Variants in TFEC observed in about 807,000 individuals in gnomAD.
TFEC encodes transcription factor EC, also known as class E basic helix-loop-helix protein 34.
Under a neutral mutation model 41.6 loss-of-function variants are expected in TFEC, and 31 were observed. That is an observed-to-expected ratio of 0.74 (90% confidence interval 0.56 to 1.01). TFEC has a LOEUF of 1.01. Ranked by LOEUF, TFEC falls within the 50% of genes least tolerant of loss-of-function variation. TFEC has a pLI of 0.00. For synonymous variants in TFEC, 143 were observed against 140.6 expected (o/e 1.02, Z -0.12); for missense variants, 402 against 404.1 (o/e 0.99, Z 0.04).
At chr7:116,080,832 T>C (rs901668158) in intron 3 of TFEC, among the ~76,000 whole-genome samples, 1 of 152,096 alleles carries the variant, frequency 6.6e-6, no homozygotes, top group African/African-American at 2.4e-5. Context: ...GCAATCCTAC[T>C]GCTAGGTATC....
chr7:116,047,458 T>C (rs1485799481), intron 3 of TFEC, among the ~76,000 whole-genome samples: 2 of 151,432 alleles, frequency 1.3e-5, no homozygotes, highest in Admixed American at 1.3e-4. Flanking sequence ...GGGGGAGGGG[T>C]GTCCACCATT....
At chr7:115,950,476 A>C (rs1791876746) in intron 6 of TFEC, among the ~76,000 whole-genome samples, 1 of 152,120 alleles carries the variant, frequency 6.6e-6, no homozygotes. Context: ...GGGACCTTGG[A>C]AAATCTAACA....
At chr7:116,058,580 A>G (rs1796481813) in intron 3 of TFEC, among the ~76,000 whole-genome samples, 1 of 151,758 alleles carries the variant, frequency 6.6e-6, no homozygotes, top group Non-Finnish European at 1.5e-5. Flanking sequence ...CCCAACAACA[A>G]CAAATATACA....
At chr7:116,042,150 A>C (rs1796052357) in intron 3 of TFEC, among the ~76,000 whole-genome samples, 1 of 152,194 alleles carries the variant, frequency 6.6e-6, no homozygotes, top group South Asian at 2.1e-4. Flanking sequence ...GGAAAAGTGA[A>C]AATGACATTT....
At chr7:116,004,317 C>T (rs1235828708) in intron 1 of TFEC, among the ~76,000 whole-genome samples, 2 of 152,096 alleles carry the variant, frequency 1.3e-5, no homozygotes, top group Admixed American at 6.6e-5. Flanking sequence ...ATCCTATGAA[C>T]ATGAAAGGGG....
chr7:115,979,839 T>G (rs942218611), intron 2 of TFEC, among the ~76,000 whole-genome samples: 3 of 152,156 alleles, frequency 2.0e-5, no homozygotes, highest in Non-Finnish European at 4.4e-5. Context: ...ACATTACCCC[T>G]GAGTTCATTT....
chr7:115,989,232 T>C (rs1349864176), intron 1 of TFEC, among the ~76,000 whole-genome samples: 2 of 152,188 alleles, frequency 1.3e-5, no homozygotes, highest in Admixed American at 6.5e-5. Context: ...TTATTCTTCA[T>C]TGATCTACAT....
At chr7:116,006,345 G>T (rs533078304) in intron 1 of TFEC, among the ~76,000 whole-genome samples, 1 of 152,218 alleles carries the variant, frequency 6.6e-6, no homozygotes, top group African/African-American at 2.4e-5. Flanking sequence ...AGCAACAGGG[G>T]TGGAGCTGCC....
chr7:116,025,072 CA>C (rs1259779304), intron 1 of TFEC, among the ~76,000 whole-genome samples: 7 of 152,188 alleles, frequency 4.6e-5, no homozygotes, highest in Middle Eastern at 3.4e-3. Context: ...CATATAAAAA[CA>C]AATGGAGATG....
At chr7:115,946,858 A>G (rs1198729281) in intron 6 of TFEC, among the ~76,000 whole-genome samples, 1 of 151,184 alleles carries the variant, frequency 6.6e-6, no homozygotes, top group Admixed American at 6.6e-5. Flanking sequence ...TTTATCAAAC[A>G]TGATCATTTC....
intron 3 of TFEC, among the ~76,000 whole-genome samples, chr7:116,057,121 G>C (rs762152907): frequency 3.3e-5 from 5 of 151,916 alleles, no homozygotes; most frequent in African/African-American, 4.8e-5. Flanking sequence ...GAAATGCAGA[G>C]TAAAACAGTA....
intron 1 of TFEC, among the ~76,000 whole-genome samples, chr7:116,013,642 T>C (rs1376673679): frequency 6.6e-6 from 1 of 152,170 alleles, no homozygotes; most frequent in Admixed American, 6.5e-5. Flanking sequence ...ATTGCATGTA[T>C]TTTGATTGTA....
chr7:116,137,814 G>C (rs1798462505), intron 1 of TFEC, among the ~76,000 whole-genome samples: 1 of 151,774 alleles, frequency 6.6e-6, no homozygotes, highest in Admixed American at 6.6e-5. Flanking sequence ...CATTTTTATT[G>C]ATAATCAACT....
At chr7:116,155,393 A>G (rs1798849020) in intron 1 of TFEC, among the ~76,000 whole-genome samples, 1 of 152,220 alleles carries the variant, frequency 6.6e-6, no homozygotes, top group Admixed American at 6.5e-5. Flanking sequence ...TCGCTATGCT[A>G]CAGTTGACAT....
At chr7:115,985,409 A>G (rs1373723803) in intron 1 of TFEC, among the ~76,000 whole-genome samples, 1 of 152,128 alleles carries the variant, frequency 6.6e-6, no homozygotes, top group African/African-American at 2.4e-5. Context: ...TTACTGTGCT[A>G]TTCTGTGGCT....
At chr7:116,071,362 C>T (rs536108457) in intron 3 of TFEC, among the ~76,000 whole-genome samples, 1 of 148,294 alleles carries the variant, frequency 6.7e-6, no homozygotes, top group African/African-American at 2.5e-5. Context: ...AAAAAAAAAA[C>T]CTGAATATGG....
intron 3 of TFEC, among the ~76,000 whole-genome samples, chr7:116,071,213 C>G (rs1488423763): frequency 2.0e-5 from 3 of 150,894 alleles, no homozygotes; most frequent in East Asian, 3.9e-4. Flanking sequence ...ATTCTTGACA[C>G]AAAAATAATA....
At position 116,064,291 on chromosome 7, in the gene TFEC, T is replaced by C. The variant is rs542019087; in HGVS notation, c.198+46417A>G. 3.4e-4 allele frequency among the ~76,000 whole-genome samples: 52 copies of C among 152,070 alleles called. 2 individuals carry two copies. In the South Asian group the frequency reaches 0.01, roughly 30 times the overall value. On this transcript the variant is annotated intron_variant, in intron 3 of 8. Transcript: ENST00000484212. Reference sequence around the variant, plus strand: ...TTTAATTAGCTTGATGGAGCCATTCTTCCATATATACCTATTTTAAAATAG... The same window carrying C: ...TTTAATTAGCTTGATGGAGCCATTCCTCCATATATACCTATTTTAAAATAG...
In TFEC at chr7:115,961,866, G is replaced by T. The variant is rs545171415; in HGVS notation, c.268-5073C>A. 2.7e-3 allele frequency among the ~76,000 whole-genome samples: 410 copies of T among 151,730 alleles called. 2 individuals are homozygous for T. The highest frequency in any genetic ancestry group is 9.4e-3 in the African/African-American group (391 of 41,486). ...CTATCCATATTGGAAAGGAATAAAT[G>T]AAATGATCTCTGCTAACTGTTGACA... On this transcript the variant is annotated intron_variant, in intron 3 of 7. Coordinates refer to ENST00000265440, the MANE Select transcript of TFEC (RefSeq NM_012252.4).
Sources: gnomAD v4.1 joint callset for allele counts (sites outside exome capture counted in the v4.1 genomes callset) on GRCh38, gnomAD v4.1.1 for gene constraint, MANE v1.5 for transcripts, NCBI Gene and HGNC (gene_info 2026-07-23, HGNC 2026-07-21) for gene names.